Variants in WASL observed in about 807,000 individuals in gnomAD.
WASL encodes WASP like actin nucleation promoting factor.
Under a neutral mutation model 55.5 loss-of-function variants are expected in WASL, and 20 were observed. That is an observed-to-expected ratio of 0.36 (90% confidence interval 0.25 to 0.52). The LOEUF is 0.52. Among genes scored for constraint, WASL ranks in the 20% least tolerant of loss-of-function variants. The pLI, the probability that WASL is intolerant of heterozygous loss-of-function variation, is 0.92. For missense variants in WASL, 504 were observed against 622.5 expected, an observed-to-expected ratio of 0.81 and a Z score of 2.03; for synonymous variants, 249 against 217.6, an observed-to-expected ratio of 1.14 and a Z score of -1.27.
intron 1 of WASL, among the ~76,000 whole-genome samples, chr7:123,747,098 G>C (rs1804446363): frequency 6.6e-6 from 1 of 152,030 alleles, no homozygotes; most frequent in South Asian, 2.1e-4. Context: ...ACCACTTTTA[G>C]AAATAAATCA....
intron 1 of WASL, among the ~76,000 whole-genome samples, chr7:123,728,403 T>TGTGTTA (rs1351387036): frequency 6.6e-6 from 1 of 152,162 alleles, no homozygotes; most frequent in Non-Finnish European, 1.5e-5. Context: ...AGAGCATGTG[T>TGTGTTA]GTGTGGCCTG....
At chr7:123,723,480 C>A (rs1320644663) in intron 1 of WASL, among the ~76,000 whole-genome samples, 2 of 152,162 alleles carry the variant, frequency 1.3e-5, no homozygotes, top group African/African-American at 4.8e-5. Context: ...AATTAATAAT[C>A]ATGTAGTACA....
intron 6 of WASL, among the ~76,000 whole-genome samples, chr7:123,696,281 G>C (rs1262488070): frequency 2.0e-5 from 3 of 151,978 alleles, no homozygotes; most frequent in African/African-American, 7.2e-5. Context: ...GCTATTTTTA[G>C]AGCAAAGTGA....
intron 10 of WASL, among the ~76,000 whole-genome samples, chr7:123,684,949 C>G (rs571691815): frequency 6.6e-6 from 1 of 152,054 alleles, no homozygotes; most frequent in Admixed American, 6.6e-5. Context: ...CTTCCCCAAT[C>G]TTCTTTTCCT....
At chr7:123,740,567 CA>C (rs1804322765) in intron 1 of WASL, among the ~76,000 whole-genome samples, 1 of 152,022 alleles carries the variant, frequency 6.6e-6, no homozygotes, top group Non-Finnish European at 1.5e-5. Flanking sequence ...TGTTCAACAT[CA>C]TTTTGTTCAA....
At chr7:123,694,679 A>C (rs775222241) in intron 8 of WASL, 36 bp downstream of exon 8, 2 of 1,607,264 alleles carry the variant, frequency 1.2e-6, no homozygotes, top group Admixed American at 3.4e-5. Context: ...CAAAAGATTA[A>C]AACAAAACAG....
chr7:123,721,719 C>A (rs6950373), intron 1 of WASL, among the ~76,000 whole-genome samples: 1 of 151,800 alleles, frequency 6.6e-6, no homozygotes, highest in Non-Finnish European at 1.5e-5. Flanking sequence ...TGAGGACCAG[C>A]ATGTCCAACA....
At chr7:123,731,277 T>C (rs1275086548) in intron 1 of WASL, among the ~76,000 whole-genome samples, 1 of 152,166 alleles carries the variant, frequency 6.6e-6, no homozygotes, top group Admixed American at 6.5e-5. Context: ...ATCTGTAATA[T>C]GTATGCAGCT....
Position 123,695,768 on chromosome 7 carries a change from G to C in WASL, c.672+55C>G. ...AATGAATTTAAAAAAATCTAAAATA[G>C]GCCAACACATTTCCACATACAGTTA... On this transcript the variant is annotated intron_variant, in intron 7 of 10. Coordinates refer to ENST00000223023, the MANE Select transcript of WASL (RefSeq NM_003941.4). 15 of 1,555,928 alleles carry C rather than the reference G, an allele frequency of 9.6e-6. No homozygotes were observed. The South Asian group carries it at 1.8e-4, about 18-fold the overall frequency.
At position 123,748,556 on chromosome 7, in the gene WASL, G is replaced by A. The variant is rs1054919773; in HGVS notation, c.117+62C>T. The A allele has an allele frequency of 6.4e-6, 10 of 1,566,606 alleles. No homozygotes were observed. The African/African-American group carries it at 1.4e-4, about 22-fold the overall frequency. Reference sequence around the variant, plus strand: ...CCTCCTTCCCCACTCCCACTTCCCGGCCCCCAAGCCCGGGCCCGTGAGGTA... The same window carrying A: ...CCTCCTTCCCCACTCCCACTTCCCGACCCCCAAGCCCGGGCCCGTGAGGTA... On this transcript the variant is annotated intron_variant, in intron 1 of 10. Transcript: ENST00000223023.
intron 1 of WASL, among the ~76,000 whole-genome samples, chr7:123,719,817 G>C (rs547134188): frequency 6.6e-6 from 1 of 152,080 alleles, no homozygotes; most frequent in Non-Finnish European, 1.5e-5. Flanking sequence ...CAACTGTCTT[G>C]GTAAATTCTT....
intron 2 of WASL, among the ~76,000 whole-genome samples, chr7:123,708,235 G>A (rs1276325894): frequency 6.6e-6 from 1 of 152,032 alleles, no homozygotes; most frequent in East Asian, 1.9e-4. Context: ...CCATAACTGA[G>A]ATCTCATTTA....
rs759307968 is a variant in WASL, at chr7:123,696,611, G to C, written c.597C>G (p.Thr199=). The C allele has an allele frequency of 2.5e-6, 4 of 1,598,666 alleles. No individual in the cohort carries two copies. The highest frequency in any genetic ancestry group is 3.4e-6 in the Non-Finnish European group (4 of 1,172,484). Residue 199 remains threonine, a synonymous_variant, in exon 6 of 11, where the codon ACC becomes ACG. Coordinates refer to ENST00000223023, the MANE Select transcript of WASL (RefSeq NM_003941.4). ...TGCTTGGTGTTCCTATATCTGCCTT[G>C]GTTAATCTCTTCTTTTTAGCTTTTC... ...KKGKAKKKRL[T]KADIGTPSNF... is the part of the protein sequence containing the mutation.
chr7:123,729,973 C>G (rs1382959260), intron 1 of WASL, among the ~76,000 whole-genome samples: 2 of 151,994 alleles, frequency 1.3e-5, no homozygotes, highest in Non-Finnish European at 2.9e-5. Flanking sequence ...AATTTTCTCT[C>G]CAGTGGAAGA....
chr7:123,694,455 T>A (rs1470618234), intron 8 of WASL, among the ~76,000 whole-genome samples: 1 of 152,190 alleles, frequency 6.6e-6, no homozygotes, highest in African/African-American at 2.4e-5. Context: ...TAGGCAACTA[T>A]AAGTTTTTAC....
chr7:123,742,695 AAGTT>A (rs2116828618), intron 1 of WASL, among the ~76,000 whole-genome samples: 1 of 152,310 alleles, frequency 6.6e-6, no homozygotes, highest in East Asian at 1.9e-4. Flanking sequence ...TAATAATTCT[AAGTT>A]AGCTAAGAGT....
chr7:123,722,699 A>G (rs1803969317), intron 1 of WASL, among the ~76,000 whole-genome samples: 1 of 152,084 alleles, frequency 6.6e-6, no homozygotes, highest in African/African-American at 2.4e-5. Context: ...GTGTGACTGC[A>G]ATCCCAGAGG....
intron 1 of WASL, chr7:123,720,258 T>G: frequency 2.4e-6 from 1 of 415,608 alleles, no homozygotes; most frequent in Non-Finnish European, 4.6e-6. Context: ...TATCCAAAAT[T>G]ACTCGAATAT....
chr7:123,726,348 A>C (rs977427988), intron 1 of WASL, among the ~76,000 whole-genome samples: 13 of 152,154 alleles, frequency 8.5e-5, no homozygotes, highest in Non-Finnish European at 4.4e-5. Context: ...ATCTCATATG[A>C]CCTTTTTTGC....
Sources: gnomAD v4.1 joint callset for allele counts (sites outside exome capture counted in the v4.1 genomes callset) on GRCh38, gnomAD v4.1.1 for gene constraint, MANE v1.5 for transcripts, NCBI Gene and HGNC (gene_info 2026-07-23, HGNC 2026-07-21) for gene names.